Variants in AFM observed in about 807,000 individuals in gnomAD.
The protein encoded by AFM is afamin.
In AFM, 82 loss-of-function variants were observed where a neutral mutation model predicts 68.7. The ratio of observed to expected loss-of-function variants is 1.19; its 90% CI spans 1.00 to 1.43. AFM has a LOEUF of 1.43. Among genes scored for constraint, AFM ranks in the 40% most tolerant of loss-of-function variants. The pLI, the probability that AFM is intolerant of heterozygous loss-of-function variation, is 0.00. For missense variants in AFM, 772 were observed against 701.8 expected (o/e 1.10, Z -1.13); for synonymous variants, 250 against 234.2 (o/e 1.07, Z -0.61).
intron 14 of AFM, among the ~76,000 whole-genome samples, chr4:73,503,551 A>G (rs948753782): frequency 1.3e-5 from 2 of 152,172 alleles, no homozygotes; most frequent in Non-Finnish European, 2.9e-5. Flanking sequence ...TGATTCACAT[A>G]CAAACCAAGG....
At position 73,495,329 on chromosome 4, in the gene AFM, C is replaced by T; in HGVS notation, c.1088C>T (p.Pro363Leu). ...ACTTTTGAATACTCAAGGAGACATC[C>T]AGACCTGTCTATACCAGAGCTTTTA... is the stretch of plus-strand genomic sequence containing the variant. ...KFTFEYSRRHPDLSIPELLRI... is the reference protein window; with the variant it reads ...KFTFEYSRRHLDLSIPELLRI... Residue 363 changes from proline to leucine, a missense_variant, in exon 9 of 15, where the codon CCA becomes CTA. Pro to Leu is a moderately conservative substitution (Grantham distance 98). Transcript: ENST00000226355. The T allele has an allele frequency of 6.2e-7, 1 of 1,605,472 alleles. No homozygotes were observed. Among genetic ancestry groups the T allele is most frequent in the Non-Finnish European group, 8.5e-7 (1 of 1,177,844 alleles).
rs2269364 is a variant in AFM at position 73,485,771 on chromosome 4, G to C, written c.271-91G>C. 2.9e-4 allele frequency: 291 copies of C among 998,438 alleles called. 1 individual carries two copies. In the East Asian group the frequency reaches 7.4e-3, roughly 25 times the overall value. The allele number at this position is 998,438 out of a possible 1,614,324, so 61.8% of individuals were successfully genotyped here. A position where few individuals can be genotyped will look rare whatever the true frequency, so the allele number is the denominator to read the frequency against. The stretch of plus-strand genomic sequence containing the variant: ...AAGAGAAGGAGCTCTGTTGGTAATG[G>C]TGGGAAAATTAGTCATTGTGTTTTC... On this transcript the variant is annotated intron_variant, in intron 3 of 14. Transcript: ENST00000226355.
chr4:73,496,751 C>G (rs947055613), intron 9 of AFM, among the ~76,000 whole-genome samples: 1 of 151,952 alleles, frequency 6.6e-6, no homozygotes, highest in Non-Finnish European at 1.5e-5. Flanking sequence ...TGTGTACTAC[C>G]CATTTTCCTG....
intron 10 of AFM, among the ~76,000 whole-genome samples, chr4:73,498,299 T>G (rs1001213116): frequency 6.6e-6 from 1 of 152,034 alleles, no homozygotes; most frequent in Admixed American, 6.6e-5. Flanking sequence ...CATTACTACA[T>G]ATTTTTGAGA....
intron 1 of AFM, among the ~76,000 whole-genome samples, chr4:73,482,503 G>T (rs1036036457): frequency 6.6e-6 from 1 of 152,190 alleles, no homozygotes; most frequent in Non-Finnish European, 1.5e-5. Flanking sequence ...GGCCCTGAAG[G>T]CATGGATCGT....
chr4:73,484,328 A>G lies in AFM; in HGVS notation c.208A>G (p.Met70Val). Residue 70 changes from methionine to valine, a missense_variant, in exon 3 of 15, where the codon ATG becomes GTG. Transcript: ENST00000226355. Reference protein sequence around the residue: ...FEEMEKLVKDMVEYKDRCMAD... With the variant: ...FEEMEKLVKDVVEYKDRCMAD... ...AGAAATGGAAAAGCTGGTGAAAGAC[A>G]TGGTAGAATACAAAGACAGATGTAT... 1.9e-6 allele frequency: 3 copies of G among 1,613,590 alleles called. No individual in the cohort carries two copies. Among genetic ancestry groups the G allele is most frequent in the Non-Finnish European group, 2.5e-6 (3 of 1,179,792 alleles).
At chr4:73,503,212 T>C (rs1721466400) in intron 14 of AFM, 102 bp downstream of exon 14, 1 of 902,656 alleles carries the variant, frequency 1.1e-6, no homozygotes, top group Non-Finnish European at 1.7e-6. Flanking sequence ...TGGTTCATCC[T>C]ACATGAACAA....
chr4:73,487,382 A>G (rs1179566566), intron 5 of AFM, among the ~76,000 whole-genome samples: 1 of 152,172 alleles, frequency 6.6e-6, no homozygotes, highest in Non-Finnish European at 1.5e-5. Context: ...GTGAATGATG[A>G]CATTTTATCT....
chr4:73,484,000 C>A lies in AFM; in HGVS notation c.137+11C>A, dbSNP rs778847740. The A allele has an allele frequency of 2.0e-6, 3 of 1,507,136 alleles. No homozygotes were observed. The East Asian group carries it at 6.9e-5, about 35-fold the overall frequency. The allele number at this position is 1,507,136 out of a possible 1,614,324, so 93.4% of individuals were successfully genotyped here. ...TAATATTGAATACATGTGAGTTGTGCTAAATACTTTTTGATGATGATTTTT... is the reference window on the plus strand; with the variant it reads ...TAATATTGAATACATGTGAGTTGTGATAAATACTTTTTGATGATGATTTTT... On this transcript the variant is annotated intron_variant, in intron 2 of 14. Transcript: ENST00000226355.
At chr4:73,491,085 G>A (rs768919380) in intron 7 of AFM, among the ~76,000 whole-genome samples, 1 of 152,156 alleles carries the variant, frequency 6.6e-6, no homozygotes, top group South Asian at 2.1e-4. Flanking sequence ...AGGCTGAAAC[G>A]GAGAGGGGAA....
rs1175011141 is a variant in AFM at position 73,484,275 on chromosome 4, C to T, written c.155C>T (p.Ala52Val). ...NIEYITIIAFAQYVQEATFEE... is the reference protein window; with the variant it reads ...NIEYITIIAFVQYVQEATFEE... ...TGTTGCAGCACCATCATTGCATTTG[C>T]TCAGTATGTTCAGGAAGCAACCTTT... The change falls in exon 3 of 15, where the codon GCT (alanine) becomes GTT (valine). Residue 52 changes from alanine (A) to valine (V), a missense_variant. Coordinates refer to ENST00000226355, the MANE Select transcript of AFM (RefSeq NM_001133.2). 6.2e-7 allele frequency: 1 copy of T among 1,611,560 alleles called. No homozygotes were observed. The highest frequency in any genetic ancestry group is 2.2e-5 in the East Asian group (1 of 44,700).
chr4:73,497,067 G>A (rs1415664116), intron 9 of AFM, among the ~76,000 whole-genome samples: 1 of 152,072 alleles, frequency 6.6e-6, no homozygotes, highest in Non-Finnish European at 1.5e-5. Flanking sequence ...CTCCACAATA[G>A]CTATCCACTG....
chr4:73,499,768 C>G (rs1035223801), intron 11 of AFM, among the ~76,000 whole-genome samples: 1 of 152,020 alleles, frequency 6.6e-6, no homozygotes, highest in Non-Finnish European at 1.5e-5. Context: ...TTATATGCCA[C>G]CAAGAAATTA....
At position 73,484,000 on chromosome 4, in the gene AFM, C is replaced by T; in HGVS notation, c.137+11C>T. 2 of 1,507,136 alleles carry T rather than the reference C, an allele frequency of 1.3e-6. No individual in the cohort carries two copies. 93.4% of individuals were successfully genotyped at this position (1,507,136 alleles called of 1,614,324 possible). ...TAATATTGAATACATGTGAGTTGTGCTAAATACTTTTTGATGATGATTTTT... is the reference window on the plus strand; with the variant it reads ...TAATATTGAATACATGTGAGTTGTGTTAAATACTTTTTGATGATGATTTTT... On this transcript the variant is annotated intron_variant, in intron 2 of 14. Transcript: ENST00000226355.
chr4:73,491,953 GA>G lies in AFM; in HGVS notation c.926del (p.Glu309GlyfsTer6). ...AGAGTGCTGTGAAAAGAAAATACCA[GA>G]GCGCGGCCAGTGCATAATTAACTCA... ...IKECCEKKIP[E>X]RGQCIINSNK... On this transcript the variant is annotated frameshift_variant, in exon 8 of 15. Coordinates refer to ENST00000226355, the MANE Select transcript of AFM (RefSeq NM_001133.2). LOFTEE classifies it high-confidence loss of function. 1 of 1,613,956 alleles carries G rather than the reference GA, an allele frequency of 6.2e-7. No individual in the cohort carries two copies. Among genetic ancestry groups the G allele is most frequent in the South Asian group, 1.1e-5 (1 of 91,050 alleles).
At position 73,486,035 on chromosome 4, in the gene AFM, C is replaced by T. The variant is rs1198226554; in HGVS notation, c.444C>T (p.Cys148=). Residue 148 remains cysteine (C), a synonymous_variant, in exon 4 of 15, where the codon TGC becomes TGT. Coordinates refer to ENST00000226355, the MANE Select transcript of AFM (RefSeq NM_001133.2). ...CTACCCTGGATCCCGAAGAGAAATG[C>T]CAGGCTTATGAAAGTAACAGAGAAT... is the stretch of plus-strand genomic sequence containing the variant. ...PFPTLDPEEK[C]QAYESNRESL... 6.2e-7 allele frequency: 1 copy of T among 1,613,888 alleles called. No homozygotes were observed. Among genetic ancestry groups the T allele is most frequent in the South Asian group, 1.1e-5 (1 of 91,062 alleles).
rs777469616 is a variant in AFM at position 73,495,294 on chromosome 4, T to C, written c.1059-6T>C. The C allele has an allele frequency of 5.1e-6, 8 of 1,572,452 alleles. No homozygotes were observed. The East Asian group carries it at 1.6e-4, about 31-fold the overall frequency. Reference sequence around the variant, plus strand: ...TTTCTAATATACAAAATTTTACACATTGCAGGTTTACTTTTGAATACTCAA... The same window carrying C: ...TTTCTAATATACAAAATTTTACACACTGCAGGTTTACTTTTGAATACTCAA... On this transcript the variant is annotated splice_polypyrimidine_tract_variant and splice_region_variant and intron_variant, in intron 8 of 14. Transcript: ENST00000226355.
At chr4:73,492,600 C>A (rs1236978070) in intron 8 of AFM, among the ~76,000 whole-genome samples, 1 of 150,306 alleles carries the variant, frequency 6.7e-6, no homozygotes, top group African/African-American at 2.5e-5. Context: ...GGTTGAGTTG[C>A]TGGGACAAGT....
intron 8 of AFM, among the ~76,000 whole-genome samples, chr4:73,492,600 C>T (rs1236978070): frequency 6.7e-6 from 1 of 150,306 alleles, no homozygotes; most frequent in East Asian, 1.9e-4. Context: ...GGTTGAGTTG[C>T]TGGGACAAGT....
Sources: gnomAD v4.1 joint callset for allele counts (sites outside exome capture counted in the v4.1 genomes callset) on GRCh38, gnomAD v4.1.1 for gene constraint, MANE v1.5 for transcripts, NCBI Gene and HGNC (gene_info 2026-07-23, HGNC 2026-07-21) for gene names.